The following FBXL7 variants were observed in gnomAD, a reference collection of about 807,000 sequenced individuals.
FBXL7 encodes F-box and leucine rich repeat protein 7.
FBXL7 carries 12 observed loss-of-function variants against 38.3 expected under a neutral mutation model. That is an observed-to-expected ratio of 0.31 (90% CI 0.20 to 0.51). The LOEUF (loss-of-function observed/expected upper bound fraction) is 0.51, where lower values mean the gene tolerates loss of function less well. Ranked by LOEUF, FBXL7 falls within the 20% of genes least tolerant of loss-of-function variation. The pLI, the probability that FBXL7 is intolerant of heterozygous loss-of-function variation, is 0.98. For synonymous variants in FBXL7, 297 were observed against 300.9 expected (o/e 0.99, Z 0.13); for missense variants, 567 against 676.4 (o/e 0.84, Z 1.79).
intron 2 of FBXL7, among the ~76,000 whole-genome samples, chr5:15,744,026 A>T (rs569413290): frequency 2.0e-5 from 3 of 152,288 alleles, no homozygotes; most frequent in South Asian, 2.1e-4. Flanking sequence ...CCAACCCAAG[A>T]AACCATTTCT....
intron 2 of FBXL7, among the ~76,000 whole-genome samples, chr5:15,742,552 G>C (rs761310899): frequency 1.3e-5 from 2 of 152,198 alleles, no homozygotes; most frequent in Non-Finnish European, 2.9e-5. Flanking sequence ...ATGCTGTCTA[G>C]AATTGCTGTA....
intron 3 of FBXL7, among the ~76,000 whole-genome samples, chr5:15,934,791 C>T (rs1045693826): frequency 6.6e-6 from 1 of 152,112 alleles, no homozygotes; most frequent in Non-Finnish European, 1.5e-5. Flanking sequence ...CTCTATAAAC[C>T]GCTCATTCAT....
At chr5:15,629,770 C>T (rs1207367531) in intron 2 of FBXL7, among the ~76,000 whole-genome samples, 11 of 151,982 alleles carry the variant, frequency 7.2e-5, no homozygotes, top group African/African-American at 2.4e-4. Context: ...ATTTGATAAA[C>T]GTTTATTGAA....
chr5:15,876,259 G>T (rs1008405244), intron 2 of FBXL7, among the ~76,000 whole-genome samples: 28 of 152,108 alleles, frequency 1.8e-4, no homozygotes, highest in African/African-American at 5.6e-4. Context: ...GAGGGTGGGG[G>T]GTTAGGGGAG....
chr5:15,669,222 A>G (rs1455760987), intron 2 of FBXL7, among the ~76,000 whole-genome samples: 1 of 152,224 alleles, frequency 6.6e-6, no homozygotes, highest in East Asian at 1.9e-4. Flanking sequence ...AAAAGCATCC[A>G]AGTGTAGAAT....
chr5:15,870,001 G>A (rs930152995), intron 2 of FBXL7, among the ~76,000 whole-genome samples: 2 of 152,040 alleles, frequency 1.3e-5, no homozygotes, highest in East Asian at 1.9e-4. Flanking sequence ...TATCAGCTAC[G>A]CAGGAGGCTG....
intron 2 of FBXL7, among the ~76,000 whole-genome samples, chr5:15,832,662 CTCTT>C (rs1340767251): frequency 6.6e-6 from 1 of 152,154 alleles, no homozygotes; most frequent in African/African-American, 2.4e-5. Context: ...TGTAGAAACT[CTCTT>C]TATCCAAAGA....
rs1012158467 is a variant in FBXL7 at position 15,937,767 on chromosome 5, C to G, written c.*581C>G. On this transcript the variant is annotated 3_prime_UTR_variant, in exon 4 of 4. Coordinates refer to ENST00000504595, the MANE Select transcript of FBXL7 (RefSeq NM_012304.5). ...TTAAAAAATTCATTACAGCAAACAG[C>G]TGGGGAAGGACATGCAGTCCTCCCC... is the stretch of plus-strand genomic sequence containing the variant. 6.5e-6 allele frequency: 1 copy of G among 152,860 alleles called. No homozygotes were observed. Among genetic ancestry groups the G allele is most frequent in the African/African-American group, 2.4e-5 (1 of 41,444 alleles). 9.5% of individuals were successfully genotyped at this position (152,860 alleles called of 1,614,324 possible).
chr5:15,625,844 C>T (rs1293228292), intron 2 of FBXL7, among the ~76,000 whole-genome samples: 2 of 151,930 alleles, frequency 1.3e-5, no homozygotes, highest in African/African-American at 4.8e-5. Context: ...CAATCTATGA[C>T]ACCAAAAAAG....
chr5:15,767,917 C>A (rs965321845), intron 2 of FBXL7, among the ~76,000 whole-genome samples: 5 of 152,134 alleles, frequency 3.3e-5, no homozygotes, highest in African/African-American at 1.2e-4. Flanking sequence ...TCTTAATAAT[C>A]ACACATTTTT....
At chr5:15,818,619 T>C (rs1738082722) in intron 2 of FBXL7, among the ~76,000 whole-genome samples, 1 of 152,034 alleles carries the variant, frequency 6.6e-6, no homozygotes, top group African/African-American at 2.4e-5. Flanking sequence ...GGTAATTAAA[T>C]AAGCATATTA....
At chr5:15,800,262 TC>T (rs1737527259) in intron 2 of FBXL7, among the ~76,000 whole-genome samples, 1 of 152,144 alleles carries the variant, frequency 6.6e-6, no homozygotes, top group Non-Finnish European at 1.5e-5. Flanking sequence ...ATACCTCATC[TC>T]AATAGGCTTC....
At chr5:15,630,787 G>A (rs1463105581) in intron 2 of FBXL7, among the ~76,000 whole-genome samples, 1 of 151,922 alleles carries the variant, frequency 6.6e-6, no homozygotes, top group East Asian at 1.9e-4. Context: ...AAAACATGAA[G>A]TAGGAGGTTG....
At chr5:15,849,087 A>G (rs918023609) in intron 2 of FBXL7, among the ~76,000 whole-genome samples, 4 of 152,356 alleles carry the variant, frequency 2.6e-5, no homozygotes, top group African/African-American at 7.2e-5. Context: ...TGGTCTGTGC[A>G]GGTGATTCCT....
At chr5:15,531,367 C>A (rs1453064488) in intron 1 of FBXL7, among the ~76,000 whole-genome samples, 1 of 152,112 alleles carries the variant, frequency 6.6e-6, no homozygotes, top group Non-Finnish European at 1.5e-5. Context: ...TTCAAAAATT[C>A]TCGTTAAAAT....
intron 1 of FBXL7, among the ~76,000 whole-genome samples, chr5:15,609,976 C>T (rs967094918): frequency 2.0e-5 from 3 of 152,122 alleles, no homozygotes; most frequent in Admixed American, 1.3e-4. Context: ...GGGTAGGCCT[C>T]ACAACATGGT....
chr5:15,922,432 A>G (rs1274305240), intron 2 of FBXL7, among the ~76,000 whole-genome samples: 2 of 152,104 alleles, frequency 1.3e-5, no homozygotes, highest in Non-Finnish European at 2.9e-5. Flanking sequence ...CTTGCCAGGG[A>G]TGCTGTGGGT....
At chr5:15,815,135 A>G (rs1184573461) in intron 2 of FBXL7, among the ~76,000 whole-genome samples, 2 of 152,098 alleles carry the variant, frequency 1.3e-5, no homozygotes, top group Admixed American at 6.6e-5. Flanking sequence ...TTTTCCAGCA[A>G]CTTTCTCACT....
intron 2 of FBXL7, among the ~76,000 whole-genome samples, chr5:15,648,614 T>C (rs754425955): frequency 2.0e-4 from 31 of 152,204 alleles, no homozygotes; most frequent in Admixed American, 8.5e-4. Flanking sequence ...ACCTGGCCAA[T>C]TGAAGGGGCA....
Sources: gnomAD v4.1 joint callset for allele counts (sites outside exome capture counted in the v4.1 genomes callset) on GRCh38, gnomAD v4.1.1 for gene constraint, MANE v1.5 for transcripts, NCBI Gene and HGNC (gene_info 2026-07-23, HGNC 2026-07-21) for gene names.